TRPV4: variants seen among roughly 807,000 people sequenced by gnomAD.
TRPV4 encodes the protein OSM9-like transient receptor potential channel 4.
TRPV4 carries 58 observed loss-of-function variants against 84.1 expected under a neutral mutation model. That is an observed-to-expected ratio of 0.69 (90% confidence interval 0.56 to 0.86). The LOEUF (loss-of-function observed/expected upper bound fraction) is 0.86, where lower values mean the gene tolerates loss of function less well. TRPV4 is among the 40% of genes least tolerant of loss of function. TRPV4 has a pLI of 0.00. For missense variants in TRPV4, 879 were observed against 1,181.1 expected (o/e 0.74, Z 3.75); for synonymous variants, 489 against 500.9 (o/e 0.98, Z 0.32).
chr12:109,821,787 C>G (rs1419086950), intron 1 of TRPV4, among the ~76,000 whole-genome samples: 1 of 152,168 alleles, frequency 6.6e-6, no homozygotes, highest in African/African-American at 2.4e-5. Flanking sequence ...CTGCCTCAGC[C>G]TCCCAAAATG....
In TRPV4 at chr12:109,788,481, C is replaced by G. The variant is rs777154442; in HGVS notation, c.2127G>C (p.Leu709=). The G allele has an allele frequency of 3.1e-6, 5 of 1,614,210 alleles. No homozygotes were observed. Among genetic ancestry groups the G allele is most frequent in the South Asian group, 1.1e-5 (1 of 91,090 alleles). Residue 709 remains leucine, a synonymous_variant, in exon 13 of 16, where the codon CTG becomes CTC. Coordinates refer to ENST00000261740, the MANE Select transcript of TRPV4 (RefSeq NM_021625.5). ...TGAGGGCAATGAGCATGTTGAGGAG[C>G]AGCACAAAGGTGAGGATGATGTAGG... is the stretch of plus-strand genomic sequence containing the variant. ...LVTYIILTFV[L]LLNMLIALMG... is the part of the protein sequence containing the mutation.
chr12:109,819,052 C>G (rs1167926186), intron 1 of TRPV4, among the ~76,000 whole-genome samples: 2 of 152,060 alleles, frequency 1.3e-5, no homozygotes, highest in African/African-American at 2.4e-5. Context: ...TACACACTAG[C>G]TCACGTGTAC....
At chr12:109,827,228 C>G (rs931623098) in intron 1 of TRPV4, among the ~76,000 whole-genome samples, 7 of 152,176 alleles carry the variant, frequency 4.6e-5, no homozygotes, top group Admixed American at 1.3e-4. Flanking sequence ...CTCATGAGGA[C>G]AACTATCGTG....
chr12:109,808,506 A>C, intron 2 of TRPV4, 38 bp from the exon 3 acceptor site: 2 of 1,590,614 alleles, frequency 1.3e-6, no homozygotes, highest in Non-Finnish European at 1.7e-6. Context: ...GGGAGGGCTC[A>C]TCCCCTGCCT....
Position 109,796,672 on chromosome 12 carries a change from C to T in TRPV4, c.1185G>A (p.Thr395=), listed in dbSNP as rs770170538. The T allele has an allele frequency of 1.9e-6, 3 of 1,613,630 alleles. No homozygotes were observed. The highest frequency in any genetic ancestry group is 2.2e-5 in the South Asian group (2 of 91,078). Residue 395 remains threonine (T), a synonymous_variant, in exon 7 of 16, where the codon ACG becomes ACA. Coordinates refer to ENST00000261740, the MANE Select transcript of TRPV4 (RefSeq NM_021625.5). The surrounding 1 kb of genome is among the most constrained non-coding windows in gnomAD (Gnocchi z 4.2). ...IFQHIIRREV[T]DEDTRHLSRK... is the part of the protein sequence containing the mutation. ...GGGACAGGTGCCGTGTGTCCTCATCCGTCACCTCCCGCCGGATGATGTGCT... is the reference window on the plus strand; with the variant it reads ...GGGACAGGTGCCGTGTGTCCTCATCTGTCACCTCCCGCCGGATGATGTGCT...
At position 109,786,937 on chromosome 12, in the gene TRPV4, A is replaced by T; in HGVS notation, c.2209-100T>A. ...AGACAACGGGCCAGGGTGGGCCCAG[A>T]ACTAGGCATTTAGACTCCTACTCCC... On this transcript the variant is annotated intron_variant, in intron 13 of 15. Coordinates refer to ENST00000261740, the MANE Select transcript of TRPV4 (RefSeq NM_021625.5). The surrounding 1 kb of genome is among the most constrained non-coding windows in gnomAD (Gnocchi z 4.5). 6.5e-7 allele frequency: 1 copy of T among 1,545,156 alleles called. No homozygotes were observed. The highest frequency in any genetic ancestry group is 1.2e-5 in the South Asian group (1 of 86,540).
intron 2 of TRPV4, among the ~76,000 whole-genome samples, chr12:109,812,386 G>T (rs78275125): frequency 0.01 from 1,539 of 152,322 alleles, 22 homozygotes; most frequent in Middle Eastern, 0.031. Context: ...AATGCCTTGG[G>T]GTTTCCAGCT....
chr12:109,805,977 G>A (rs951728894), intron 3 of TRPV4, among the ~76,000 whole-genome samples: 2 of 152,164 alleles, frequency 1.3e-5, no homozygotes, highest in African/African-American at 2.4e-5. Context: ...CCAAGATTCC[G>A]CACTTTTGCC....
chr12:109,800,855 G>T lies in TRPV4; in HGVS notation c.713-97C>A. The T allele has an allele frequency of 1.9e-6, 2 of 1,048,900 alleles. 1 individual carries two copies. The highest frequency in any genetic ancestry group is 3.1e-5 in the African/African-American group (2 of 63,760). The allele number at this position is 1,048,900 out of a possible 1,614,324, so 65.0% of individuals were successfully genotyped here. On this transcript the variant is annotated intron_variant, in intron 4 of 15. Transcript: ENST00000261740. ...TAGGGTGCAGGACGTAGAAATTGGGGGGTGGGGGATGCAGGCAGAGTCCTG... is the reference window on the plus strand; with the variant it reads ...TAGGGTGCAGGACGTAGAAATTGGGTGGTGGGGGATGCAGGCAGAGTCCTG...
chr12:109,805,728 CAGT>C (rs1405499029), intron 3 of TRPV4, among the ~76,000 whole-genome samples: 1 of 152,196 alleles, frequency 6.6e-6, no homozygotes, highest in Non-Finnish European at 1.5e-5. Context: ...ATGGACCTCA[CAGT>C]AAGTCTCCCT....
rs1384779220 is a variant in TRPV4 at position 109,792,685 on chromosome 12, CT to C, written c.1790del (p.Lys597SerfsTer2). 6.2e-7 allele frequency: 1 copy of C among 1,614,202 alleles called. No individual in the cohort carries two copies. Among genetic ancestry groups the C allele is most frequent in the Non-Finnish European group, 8.5e-7 (1 of 1,180,048 alleles). On this transcript the variant is annotated frameshift_variant, in exon 11 of 16. Transcript: ENST00000261740. LOFTEE classifies it high-confidence loss of function. Reference protein sequence around the residue: ...MNALYFTRGLKLTGTYSIMIQ... With the variant: ...MNALYFTRGLXLTGTYSIMIQ... ...TCATGATGCTATAGGTCCCCGTCAG[CT>C]TCAGCCCACGGGTGAAGTAAAGGGC...
chr12:109,789,927 T>C (rs1889927329), intron 12 of TRPV4, among the ~76,000 whole-genome samples: 1 of 152,226 alleles, frequency 6.6e-6, no homozygotes, highest in Admixed American at 6.5e-5. Context: ...AGCCTCAGAA[T>C]TGAGATCTAG....
rs1416463913 is a variant in TRPV4, at chr12:109,783,301, A to C, written c.*320T>G. 2 of 297,912 alleles carry C rather than the reference A, an allele frequency of 6.7e-6. No homozygotes were observed. The highest frequency in any genetic ancestry group is 1.2e-5 in the Non-Finnish European group (2 of 160,214). 18.5% of individuals were successfully genotyped at this position (297,912 alleles called of 1,614,324 possible). A position where few individuals can be genotyped will look rare whatever the true frequency, so the allele number is the denominator to read the frequency against. ...GGTCCTAAGGCCTCTGCCAGGTTCC[A>C]GCTGGGGCAGGGGTCACGTCGCTTC... On this transcript the variant is annotated 3_prime_UTR_variant, in exon 16 of 16. Transcript: ENST00000261740. The surrounding 1 kb of genome is among the most constrained non-coding windows in gnomAD (Gnocchi z 4.6).
At chr12:109,811,029 G>A (rs1891482639) in intron 2 of TRPV4, among the ~76,000 whole-genome samples, 1 of 152,152 alleles carries the variant, frequency 6.6e-6, no homozygotes, top group African/African-American at 2.4e-5. Flanking sequence ...GACATCTGCA[G>A]AGCCTCTCCA....
chr12:109,803,554 G>A (rs930958927), intron 3 of TRPV4, among the ~76,000 whole-genome samples: 1 of 152,012 alleles, frequency 6.6e-6, no homozygotes, highest in Admixed American at 6.6e-5. Flanking sequence ...GGGCTCAAGT[G>A]ATCCTCCCAC....
At chr12:109,817,797 A>T (rs1413922571) in intron 1 of TRPV4, among the ~76,000 whole-genome samples, 3 of 152,180 alleles carry the variant, frequency 2.0e-5, no homozygotes, top group Non-Finnish European at 4.4e-5. Context: ...TCCTCTAAGG[A>T]CATTTGGCAA....
chr12:109,788,768 G>T (rs764851015), intron 12 of TRPV4, 52 bp from the exon 13 acceptor site: 2 of 1,595,132 alleles, frequency 1.3e-6, no homozygotes, highest in Non-Finnish European at 8.6e-7. Context: ...CCCACAGAGA[G>T]GTGGAGGGTG....
At chr12:109,809,615 A>C in intron 2 of TRPV4, among the ~76,000 whole-genome samples, 2 of 125,896 alleles carry the variant, frequency 1.6e-5, no homozygotes, top group African/African-American at 3.2e-5. Flanking sequence ...TCCATCCATC[A>C]CTCGTCTATC....
chr12:109,808,938 A>G (rs1040622767), intron 2 of TRPV4, among the ~76,000 whole-genome samples: 6 of 149,214 alleles, frequency 4.0e-5, no homozygotes, highest in Non-Finnish European at 7.4e-5. Flanking sequence ...CTATCCACCC[A>G]TCCATCCATC....
Sources: gnomAD v4.1 joint callset for allele counts (sites outside exome capture counted in the v4.1 genomes callset) on GRCh38, gnomAD v4.1.1 for gene constraint, Gnocchi (gnomAD v3.1) non-coding constraint, MANE v1.5 for transcripts, NCBI Gene and HGNC (gene_info 2026-07-23, HGNC 2026-07-21) for gene names.